Variants in DZANK1 observed in about 807,000 individuals in gnomAD.
DZANK1 encodes double zinc ribbon and ankyrin repeat-containing protein 1.
DZANK1 carries 91 observed loss-of-function variants against 94.5 expected under a neutral mutation model. The observed-to-expected ratio is 0.96, with a 90% CI of 0.81 to 1.15. The LOEUF (loss-of-function observed/expected upper bound fraction) is 1.15, where lower values mean the gene tolerates loss of function less well. DZANK1 is among the 50% of genes most tolerant of loss of function. DZANK1 has a pLI of 0.00. For synonymous variants in DZANK1, 312 were observed against 325.3 expected (o/e 0.96, Z 0.44); for missense variants, 903 against 916.4 (o/e 0.99, Z 0.19).
intron 10 of DZANK1, among the ~76,000 whole-genome samples, chr20:18,419,674 C>T (rs6081131): frequency 0.71 from 108,289 of 151,976 alleles, 39,433 homozygotes; most frequent in South Asian, 0.81. Context: ...CCCAGAATTA[C>T]ATATTCATCA....
chr20:18,426,358 T>C (rs1462747640), intron 10 of DZANK1, among the ~76,000 whole-genome samples: 2 of 152,046 alleles, frequency 1.3e-5, no homozygotes, highest in Non-Finnish European at 1.5e-5. Context: ...GCCAAAAAGG[T>C]TGGGGACCGC....
At chr20:18,434,923 G>A (rs1049479471) in intron 8 of DZANK1, among the ~76,000 whole-genome samples, 6 of 152,138 alleles carry the variant, frequency 3.9e-5, no homozygotes, top group Admixed American at 3.3e-4. Flanking sequence ...TGCACTGACT[G>A]GCAAACTGGC....
At chr20:18,425,857 G>A (rs1055358304) in intron 10 of DZANK1, among the ~76,000 whole-genome samples, 4 of 152,188 alleles carry the variant, frequency 2.6e-5, no homozygotes, top group Non-Finnish European at 5.9e-5. Context: ...AGAAGCCAAG[G>A]GAAGTTTGAG....
intron 10 of DZANK1, 42 bp from the exon 11 acceptor site, chr20:18,415,491 AT>A (rs1356102412): frequency 7.4e-7 from 1 of 1,357,462 alleles, no homozygotes; most frequent in South Asian, 2.2e-5. Flanking sequence ...TCAGTACTAT[AT>A]TCTCTAATCC....
In DZANK1 at chr20:18,401,643, T is replaced by C. The variant is rs537826719; in HGVS notation, c.1433-3017A>G. ...ACAAACTACTGGGAGCTGTCTGGGA[T>C]GGCTCAGCCTTCACCTGCACTCATT... On this transcript the variant is annotated intron_variant, in intron 13 of 20. Transcript: ENST00000262547. Among the ~76,000 whole-genome samples the C allele has an allele frequency of 2.6e-5, 4 of 152,366 alleles. No individual in the cohort carries two copies. The South Asian group carries it at 8.3e-4, about 32-fold the overall frequency.
intron 2 of DZANK1, 44 bp from the exon 3 acceptor site, chr20:18,460,350 G>A: frequency 2.9e-6 from 4 of 1,400,290 alleles, no homozygotes; most frequent in East Asian, 2.5e-5. Flanking sequence ...CACCAAAGTA[G>A]CAAGTCCCTG....
chr20:18,452,816 G>A, intron 5 of DZANK1, 77 bp from the exon 6 acceptor site: 2 of 1,407,162 alleles, frequency 1.4e-6, no homozygotes, highest in Non-Finnish European at 1.9e-6. Flanking sequence ...TTCACAGCGG[G>A]AGACCTTTTA....
chr20:18,446,013 C>T (rs1472116070), intron 7 of DZANK1, among the ~76,000 whole-genome samples: 1 of 151,812 alleles, frequency 6.6e-6, no homozygotes, highest in Non-Finnish European at 1.5e-5. Context: ...GATCCTCCCA[C>T]CTCAGCTTCC....
intron 9 of DZANK1, chr20:18,432,744 T>C (rs1173094048): frequency 6.6e-6 from 1 of 152,220 alleles, no homozygotes; most frequent in East Asian, 1.9e-4. Context: ...AAATTCCCTC[T>C]ATTAAATCTA....
intron 10 of DZANK1, among the ~76,000 whole-genome samples, chr20:18,425,195 T>A (rs933721114): frequency 1.3e-5 from 2 of 152,178 alleles, no homozygotes; most frequent in African/African-American, 4.8e-5. Flanking sequence ...TCAATAAAGC[T>A]GGAAACAAAA....
At chr20:18,432,906 A>T (rs963774495) in intron 9 of DZANK1, 3 of 152,214 alleles carry the variant, frequency 2.0e-5, no homozygotes, top group Non-Finnish European at 4.4e-5. Context: ...AGTTTTTTGG[A>T]TGTAAGTGAT....
At chr20:18,384,327 G>C (rs2048349157) in exon 21 of DZANK1, 13 of 1,460,310 alleles carry the variant, frequency 8.9e-6, no homozygotes, top group Non-Finnish European at 1.1e-5. Flanking sequence ...CCAAAGTGCT[G>C]GGATTACAGG....
At chr20:18,443,504 G>A in intron 7 of DZANK1, 40 bp from the exon 8 acceptor site, 1 of 1,164,672 alleles carries the variant, frequency 8.6e-7, no homozygotes, top group Non-Finnish European at 1.2e-6. Flanking sequence ...TGTTCTGGTG[G>A]GCCCACATTA....
intron 9 of DZANK1, among the ~76,000 whole-genome samples, chr20:18,430,767 T>C (rs1276406382): frequency 6.6e-6 from 1 of 152,178 alleles, no homozygotes; most frequent in Non-Finnish European, 1.5e-5. Flanking sequence ...TGAGCCATGA[T>C]CGTGCCACTG....
chr20:18,436,853 A>C (rs890251134), intron 8 of DZANK1, among the ~76,000 whole-genome samples: 16 of 152,214 alleles, frequency 1.1e-4, no homozygotes, highest in South Asian at 8.3e-4. Flanking sequence ...CATCAAAAAC[A>C]ATGGAGGGCA....
At chr20:18,439,682 A>G (rs1319229022) in intron 8 of DZANK1, among the ~76,000 whole-genome samples, 2 of 152,196 alleles carry the variant, frequency 1.3e-5, no homozygotes, top group Non-Finnish European at 2.9e-5. Context: ...GAAAGCAGCC[A>G]CAGAACTTTT....
intron 2 of DZANK1, among the ~76,000 whole-genome samples, chr20:18,460,752 T>A (rs2059447589): frequency 6.6e-6 from 1 of 152,144 alleles, no homozygotes; most frequent in Non-Finnish European, 1.5e-5. Context: ...AGTTGTGATT[T>A]AAGATTGTGT....
chr20:18,414,021 T>C lies in DZANK1; in HGVS notation c.1242+327A>G, dbSNP rs189592855. 4.0e-3 allele frequency among the ~76,000 whole-genome samples: 603 copies of C among 152,262 alleles called. 3 individuals carry two copies. Among genetic ancestry groups the C allele is most frequent in the Non-Finnish European group, 5.8e-3 (397 of 68,014 alleles). ...TCAAACTATGCCCAGCTGTTATAAA[T>C]TACAAAAGCAATCTTATATACCCTA... On this transcript the variant is annotated intron_variant, in intron 12 of 20. Coordinates refer to ENST00000262547, the Ensembl canonical transcript of DZANK1.
chr20:18,466,677 GGGTGGCCAGT>G (rs780339407), intron 1 of DZANK1, among the ~76,000 whole-genome samples: 1 of 152,244 alleles, frequency 6.6e-6, no homozygotes, highest in Non-Finnish European at 1.5e-5. Flanking sequence ...TAGGAAGCTG[GGGTGGCCAGT>G]GGGCCCCACG....
Sources: gnomAD v4.1 joint callset for allele counts (sites outside exome capture counted in the v4.1 genomes callset) on GRCh38, gnomAD v4.1.1 for gene constraint, MANE v1.5 for transcripts, NCBI Gene and HGNC (gene_info 2026-07-23, HGNC 2026-07-21) for gene names.